The following SEMA5A variants were observed in gnomAD, a reference collection of about 807,000 sequenced individuals.
The protein encoded by SEMA5A is semaphorin-5A.
A neutral mutation model predicts 135.5 loss-of-function variants in SEMA5A; 55 were observed. The ratio of observed to expected loss-of-function variants is 0.41; its 90% CI spans 0.33 to 0.51. The LOEUF (loss-of-function observed/expected upper bound fraction) is 0.51, where lower values mean the gene tolerates loss of function less well. Among genes scored for constraint, SEMA5A ranks in the 20% least tolerant of loss-of-function variants. The probability of loss-of-function intolerance (pLI) is 0.37; values close to 1 mark genes in which losing one functional copy is unlikely to be tolerated. For missense variants in SEMA5A, 1,290 were observed against 1,419.9 expected (o/e 0.91, Z 1.47); for synonymous variants, 580 against 546.5 (o/e 1.06, Z -0.85).
At chr5:9,307,902 C>G (rs1053819362) in intron 5 of SEMA5A, among the ~76,000 whole-genome samples, 1 of 88,836 alleles carries the variant, frequency 1.1e-5, no homozygotes, top group Non-Finnish European at 3.2e-5. Context: ...ACATGACTAA[C>G]AAATATATTC....
chr5:9,134,752 C>A (rs1040859721), intron 13 of SEMA5A, among the ~76,000 whole-genome samples: 1 of 152,040 alleles, frequency 6.6e-6, no homozygotes, highest in African/African-American at 2.4e-5. Context: ...ATTAAAAATG[C>A]AAGATCAAAG....
At chr5:9,472,873 A>G (rs979964158) in intron 1 of SEMA5A, among the ~76,000 whole-genome samples, 1 of 150,584 alleles carries the variant, frequency 6.6e-6, no homozygotes, top group African/African-American at 2.4e-5. Flanking sequence ...ATATACTTAT[A>G]TAGAATTAGT....
intron 11 of SEMA5A, among the ~76,000 whole-genome samples, chr5:9,166,783 T>C (rs1743633611): frequency 1.3e-5 from 2 of 152,252 alleles, no homozygotes; most frequent in African/African-American, 2.4e-5. Flanking sequence ...GCCCTCTGGG[T>C]ATCCTTTCTA....
At chr5:9,403,915 T>A (rs150120123) in intron 2 of SEMA5A, among the ~76,000 whole-genome samples, 3,115 of 151,780 alleles carry the variant, frequency 0.021, 48 homozygotes, top group Non-Finnish European at 0.03. Context: ...CTACTGTGAA[T>A]CAGTTTGTTT....
At chr5:9,276,112 G>A (rs1377229625) in intron 5 of SEMA5A, among the ~76,000 whole-genome samples, 1 of 152,126 alleles carries the variant, frequency 6.6e-6, no homozygotes, top group African/African-American at 2.4e-5. Context: ...CTTCAGCAAA[G>A]TCTCAGGATA....
At chr5:9,424,653 C>A (rs1197337203) in intron 2 of SEMA5A, among the ~76,000 whole-genome samples, 1 of 152,176 alleles carries the variant, frequency 6.6e-6, no homozygotes, top group Non-Finnish European at 1.5e-5. Flanking sequence ...CCCTCCAACC[C>A]CTATACCTCC....
At chr5:9,471,178 C>T (rs1052103019) in intron 1 of SEMA5A, among the ~76,000 whole-genome samples, 1 of 152,062 alleles carries the variant, frequency 6.6e-6, no homozygotes, top group African/African-American at 2.4e-5. Flanking sequence ...CCTTCACATC[C>T]GTATATCACA....
intron 3 of SEMA5A, among the ~76,000 whole-genome samples, chr5:9,367,761 G>A (rs1357695313): frequency 1.3e-5 from 2 of 152,202 alleles, no homozygotes; most frequent in East Asian, 3.8e-4. Flanking sequence ...CCAATGTTGA[G>A]GGTGGGGCCT....
rs754113662 is a variant in SEMA5A, at chr5:9,044,518, A to T, written c.2960T>A (p.Leu987Gln). Residue 987 changes from leucine (L) to glutamine (Q), a missense_variant, in exon 22 of 23, where the codon CTG becomes CAG. Leu to Gln is a moderately radical substitution (Grantham distance 113). Transcript: ENST00000382496. Reference protein sequence around the residue: ...SSSILGCLLTLLVYTYCQRYQ... With the variant: ...SSSILGCLLTQLVYTYCQRYQ... Reference sequence around the variant, plus strand: ...CCGCTGGCAGTAAGTATAGACGAGCAGGGTGAGGAGGCAGCCGAGGATGGA... The same window carrying T: ...CCGCTGGCAGTAAGTATAGACGAGCTGGGTGAGGAGGCAGCCGAGGATGGA... The T allele has an allele frequency of 7.4e-6, 12 of 1,614,072 alleles. No individual in the cohort carries two copies. The highest frequency in any genetic ancestry group is 8.5e-7 in the Non-Finnish European group (1 of 1,180,014).
chr5:9,482,748 C>T (rs1759923895), intron 1 of SEMA5A, among the ~76,000 whole-genome samples: 1 of 152,228 alleles, frequency 6.6e-6, no homozygotes, highest in Non-Finnish European at 1.5e-5. Flanking sequence ...AGCTCCAGCA[C>T]AGAGCACCCC....
chr5:9,463,120 C>T (rs1759119076), intron 1 of SEMA5A, among the ~76,000 whole-genome samples: 1 of 152,086 alleles, frequency 6.6e-6, no homozygotes, highest in Admixed American at 6.5e-5. Flanking sequence ...ATAAAAGACT[C>T]ATCTTGTGGG....
chr5:9,309,853 C>T (rs1023011723), intron 5 of SEMA5A, among the ~76,000 whole-genome samples: 6 of 34,282 alleles, frequency 1.8e-4, no homozygotes, highest in Admixed American at 3.2e-4. Flanking sequence ...TTGAATAAAT[C>T]GGTATATAAA....
intron 1 of SEMA5A, among the ~76,000 whole-genome samples, chr5:9,526,509 A>C (rs1409248322): frequency 1.3e-5 from 2 of 152,236 alleles, no homozygotes; most frequent in Non-Finnish European, 2.9e-5. Context: ...TTGCAAAGTA[A>C]GAATTATCTA....
chr5:9,437,621 G>A (rs1368835160), intron 2 of SEMA5A, 135 bp downstream of exon 2: 1 of 152,148 alleles, frequency 6.6e-6, no homozygotes, highest in African/African-American at 2.4e-5. Context: ...CAAAATGCTG[G>A]GATTACAGGT....
rs1379323720 is a variant in SEMA5A at position 9,450,895 on chromosome 5, T to C, written c.-174-13043A>G. On this transcript the variant is annotated intron_variant, in intron 1 of 22. Transcript: ENST00000382496. Reference sequence around the variant, plus strand: ...TTATTACATGTTGTACTTGGTTAGCTCACACTTAGAATTCTCATCAACTGC... The same window carrying C: ...TTATTACATGTTGTACTTGGTTAGCCCACACTTAGAATTCTCATCAACTGC... 2.6e-5 allele frequency among the ~76,000 whole-genome samples: 4 copies of C among 152,220 alleles called. No homozygotes were observed. The East Asian group carries it at 5.8e-4, about 22-fold the overall frequency.
intron 5 of SEMA5A, among the ~76,000 whole-genome samples, chr5:9,304,512 A>T (rs1047326332): frequency 2.3e-5 from 1 of 43,256 alleles, no homozygotes; most frequent in Admixed American, 3.3e-4. Flanking sequence ...AATCTGCAAG[A>T]TCTAAAATAA....
intron 1 of SEMA5A, among the ~76,000 whole-genome samples, chr5:9,488,989 T>C (rs1734866438): frequency 6.6e-6 from 1 of 152,210 alleles, no homozygotes; most frequent in African/African-American, 2.4e-5. Flanking sequence ...TCTGGCTATT[T>C]ACTTTGTGGT....
At chr5:9,224,026 G>A (rs775645489) in intron 8 of SEMA5A, among the ~76,000 whole-genome samples, 2 of 152,204 alleles carry the variant, frequency 1.3e-5, no homozygotes, top group African/African-American at 4.8e-5. Context: ...GTTGCCACAT[G>A]TGGATGCAAT....
chr5:9,335,650 C>T (rs1455531899), intron 4 of SEMA5A, among the ~76,000 whole-genome samples: 1 of 152,214 alleles, frequency 6.6e-6, no homozygotes, highest in Non-Finnish European at 1.5e-5. Flanking sequence ...GTTCCCTTGA[C>T]TCAGAGTGAA....
Sources: allele counts gnomAD v4.1 joint callset (sites outside exome capture counted in the v4.1 genomes callset), GRCh38; gene constraint gnomAD v4.1.1; transcripts MANE v1.5; gene names NCBI Gene and HGNC (gene_info 2026-07-23, HGNC 2026-07-21).